Variants in SNAP91 observed in about 807,000 individuals in gnomAD.
SNAP91 encodes the protein synaptosome associated protein 91.
A neutral mutation model predicts 100.3 loss-of-function variants in SNAP91; 27 were observed. The ratio of observed to expected loss-of-function variants is 0.27; its 90% confidence interval spans 0.20 to 0.37. The LOEUF (loss-of-function observed/expected upper bound fraction) is 0.37, where lower values mean the gene tolerates loss of function less well. Ranked by LOEUF, SNAP91 falls within the 10% of genes least tolerant of loss-of-function variation. The pLI, the probability that SNAP91 is intolerant of heterozygous loss-of-function variation, is 1.00. For missense variants in SNAP91, 986 were observed against 1,123.7 expected, an observed-to-expected ratio of 0.88 and a Z score of 1.75; for synonymous variants, 404 against 398.6, an observed-to-expected ratio of 1.01 and a Z score of -0.16.
rs188387046 is a variant in SNAP91 at position 83,588,819 on chromosome 6, C to G, written c.2014+2392G>C. ...TCTCAGGTTCTAGCCTTGGAGGACA[C>G]AGAGAGGCCACAATGGAGGAGGATC... On this transcript the variant is annotated intron_variant, in intron 22 of 29. Transcript: ENST00000369694. Among the ~76,000 whole-genome samples, 27 of 152,244 alleles carry G rather than the reference C, an allele frequency of 1.8e-4. 1 individual carries two copies. The East Asian group carries it at 3.9e-3, about 22-fold the overall frequency.
chr6:83,659,604 T>G (rs2098492861), intron 5 of SNAP91, among the ~76,000 whole-genome samples: 1 of 151,790 alleles, frequency 6.6e-6, no homozygotes, highest in Non-Finnish European at 1.5e-5. Flanking sequence ...TTTAAAAAAT[T>G]TGTTTTGGTA....
intron 2 of SNAP91, among the ~76,000 whole-genome samples, 164 bp from the exon 3 acceptor site, chr6:83,665,745 G>A (rs555527013): frequency 8.6e-5 from 13 of 151,934 alleles, no homozygotes; most frequent in African/African-American, 2.9e-4. Context: ...TTTTACCCAT[G>A]GACATGTACA....
chr6:83,626,619 T>C (rs112315421), intron 8 of SNAP91, among the ~76,000 whole-genome samples: 2 of 152,226 alleles, frequency 1.3e-5, no homozygotes, highest in African/African-American at 4.8e-5. Context: ...TTTGTGGCTA[T>C]TGTAAATGGG....
intron 7 of SNAP91, among the ~76,000 whole-genome samples, chr6:83,650,831 T>C (rs1247570082): frequency 6.6e-6 from 1 of 152,252 alleles, no homozygotes; most frequent in Non-Finnish European, 1.5e-5. Flanking sequence ...TTGTAAAGAA[T>C]TGGTATAATT....
Position 83,575,087 on chromosome 6 carries a change from A to G in SNAP91, c.2365T>C (p.Leu789=). 2 of 1,608,000 alleles carry G rather than the reference A, an allele frequency of 1.2e-6. No individual in the cohort carries two copies. Among genetic ancestry groups the G allele is most frequent in the Non-Finnish European group, 1.7e-6 (2 of 1,176,952 alleles). Residue 789 remains leucine, a synonymous_variant, in exon 26 of 30, where the codon TTG becomes CTG. Transcript: ENST00000369694. ...DLQWNAGEKK[L]TGGANWQPKV... is the part of the protein sequence containing the mutation. ...GGCTGCCAGTTGGCTCCACCAGTCA[A>G]CTTTTTCTCTCCAGCATTCCACTGA...
At chr6:83,587,520 T>C (rs1463493625) in intron 22 of SNAP91, among the ~76,000 whole-genome samples, 1 of 152,112 alleles carries the variant, frequency 6.6e-6, no homozygotes, top group Non-Finnish European at 1.5e-5. Context: ...ATCTTCTTAG[T>C]TTCAATAGAC....
chr6:83,629,950 C>CA (rs2097139879), intron 8 of SNAP91, among the ~76,000 whole-genome samples: 1 of 152,056 alleles, frequency 6.6e-6, no homozygotes, highest in Non-Finnish European at 1.5e-5. Flanking sequence ...GAAATGCTAT[C>CA]AACTTTTCCC....
rs879325346 is a variant in SNAP91, at chr6:83,611,702, CTT to C, written c.885-1027_885-1026del. Among the ~76,000 whole-genome samples, 14 of 144,172 alleles carry C rather than the reference CTT, an allele frequency of 9.7e-5. No individual in the cohort carries two copies. In the East Asian group the frequency reaches 2.4e-3, roughly 25 times the overall value. 94.6% of individuals were successfully genotyped at this position (144,172 alleles called of 152,430 possible). On this transcript the variant is annotated intron_variant, in intron 11 of 29. Coordinates refer to ENST00000369694, the MANE Select transcript of SNAP91 (RefSeq NM_001242792.2). ...TATTATATGCCAAGTTAATATCTTT[CTT>C]TTTTTTTTTTGAGACGGAGTCTCAC...
chr6:83,698,262 T>C (rs1204320317), intron 2 of SNAP91, among the ~76,000 whole-genome samples: 1 of 146,586 alleles, frequency 6.8e-6, no homozygotes, highest in Non-Finnish European at 1.5e-5. Flanking sequence ...CCTGGATAAA[T>C]ATTACAGGCA....
rs531600310 is a variant in SNAP91, at chr6:83,628,755, G to C, written c.766-5413C>G. ...TGATTTGAGTTCATTGTAGATTCTG[G>C]ATATTAGTCCTTTATCAGATGTATA... On this transcript the variant is annotated intron_variant, in intron 8 of 29. Coordinates refer to ENST00000369694, the MANE Select transcript of SNAP91 (RefSeq NM_001242792.2). Among the ~76,000 whole-genome samples the C allele has an allele frequency of 3.9e-5, 6 of 151,956 alleles. No homozygotes were observed. In the South Asian group the frequency reaches 6.2e-4, roughly 16 times the overall value.
Position 83,656,778 on chromosome 6 carries a change from T to C in SNAP91, c.634A>G (p.Asn212Asp). Residue 212 changes from asparagine (N) to aspartate (D), a missense_variant, in exon 7 of 30, where the codon AAT (asparagine) becomes GAT (aspartate). Transcript: ENST00000369694. ...KDLIKLFACY[N>D]DGVINLLEKF... ...CCGAGTAAGTTAATAACACCATCAT[T>C]GTAGCAAGCAAAAAGTTTGATAAGA... 6.3e-7 allele frequency: 1 copy of C among 1,593,074 alleles called. No homozygotes were observed. Among genetic ancestry groups the C allele is most frequent in the Non-Finnish European group, 8.6e-7 (1 of 1,164,060 alleles).
chr6:83,670,566 T>TTAAGAA (rs1333261776), intron 2 of SNAP91, among the ~76,000 whole-genome samples: 1 of 151,938 alleles, frequency 6.6e-6, no homozygotes, highest in African/African-American at 2.4e-5. Flanking sequence ...AGGTTTTCTT[T>TTAAGAA]TAAGAAATCT....
intron 8 of SNAP91, among the ~76,000 whole-genome samples, chr6:83,631,316 T>C (rs1225372986): frequency 2.6e-5 from 4 of 152,108 alleles, no homozygotes; most frequent in Non-Finnish European, 4.4e-5. Context: ...GTATATTCTG[T>C]GGTTGATGGA....
intron 7 of SNAP91, among the ~76,000 whole-genome samples, chr6:83,655,158 A>G (rs1418972907): frequency 6.6e-6 from 1 of 152,190 alleles, no homozygotes; most frequent in East Asian, 1.9e-4. Flanking sequence ...ACCTCAATGA[A>G]GTTTCTAAGG....
chr6:83,662,361 T>C lies in SNAP91; in HGVS notation c.335A>G (p.Lys112Arg). ...AATATTCTCACCATGGGATCCACTT[T>C]TGTCCAAAAAATTGCTGAGATTGAA... is the stretch of plus-strand genomic sequence containing the variant. The part of the protein sequence containing the change: ...TLFNLSNFLD[K>R]SGSHGYDMST... The change falls in exon 4 of 30, where the codon AAA becomes AGA. Residue 112 changes from lysine (K) to arginine (R), a missense_variant. This residue lies in a region of SNAP91 where 330 missense variants were observed against 447.5 expected (regional missense o/e 0.74). Transcript: ENST00000369694. The C allele has an allele frequency of 4.9e-6, 7 of 1,437,912 alleles. No individual in the cohort carries two copies. Among genetic ancestry groups the C allele is most frequent in the Non-Finnish European group, 5.6e-6 (6 of 1,080,922 alleles). 89.1% of individuals were successfully genotyped at this position (1,437,912 alleles called of 1,614,324 possible). A position where few individuals can be genotyped will look rare whatever the true frequency, so the allele number is the denominator to read the frequency against.
intron 8 of SNAP91, among the ~76,000 whole-genome samples, chr6:83,630,177 T>C (rs2097148979): frequency 6.6e-6 from 1 of 152,080 alleles, no homozygotes; most frequent in South Asian, 2.1e-4. Flanking sequence ...ATGTTAAACC[T>C]TCCCTGCATC....
chr6:83,675,410 T>C (rs2098847397), intron 2 of SNAP91, among the ~76,000 whole-genome samples: 1 of 152,192 alleles, frequency 6.6e-6, no homozygotes, highest in African/African-American at 2.4e-5. Flanking sequence ...AATAAATACT[T>C]GTATTTCTTC....
intron 24 of SNAP91, among the ~76,000 whole-genome samples, chr6:83,579,105 A>C (rs1028587188): frequency 6.6e-6 from 1 of 152,072 alleles, no homozygotes; most frequent in African/African-American, 2.4e-5. Context: ...GTCTATCCTT[A>C]TTCCAGTACC....
chr6:83,611,274 T>C (rs890467212), intron 11 of SNAP91, among the ~76,000 whole-genome samples: 1 of 152,136 alleles, frequency 6.6e-6, no homozygotes, highest in Non-Finnish European at 1.5e-5. Context: ...CATCCTGTTA[T>C]AATTAGTGGG....
Sources: allele counts gnomAD v4.1 joint callset (sites outside exome capture counted in the v4.1 genomes callset), GRCh38; gene constraint gnomAD v4.1.1; regional missense constraint gnomAD v4.1.1; transcripts MANE v1.5; gene names NCBI Gene and HGNC (gene_info 2026-07-23, HGNC 2026-07-21).